Variants in LDAH observed in about 807,000 individuals in gnomAD.
LDAH encodes the protein lipid droplet associated hydrolase.
Under a neutral mutation model 29.6 loss-of-function variants are expected in LDAH, and 26 were observed. The observed-to-expected ratio is 0.88, with a 90% CI of 0.64 to 1.22. The LOEUF is 1.22. LDAH is among the 50% of genes most tolerant of loss of function. LDAH has a pLI of 0.00. For missense variants in LDAH, 344 were observed against 387.3 expected, an observed-to-expected ratio of 0.89 and a Z score of 0.94; for synonymous variants, 117 against 133.0, an observed-to-expected ratio of 0.88 and a Z score of 0.83.
rs764674938 is a variant in LDAH, at chr2:20,687,102, A to C, written c.787-8T>G. The C allele has an allele frequency of 6.3e-7, 1 of 1,599,532 alleles. No homozygotes were observed. Among genetic ancestry groups the C allele is most frequent in the Non-Finnish European group, 8.5e-7 (1 of 1,173,292 alleles). The stretch of plus-strand genomic sequence containing the variant: ...ACCATAATAAAATGTAAGCTGAAAG[A>C]CAAGACAAAAACCTTTTATTAGAAA... On this transcript the variant is annotated splice_polypyrimidine_tract_variant and splice_region_variant and intron_variant, in intron 6 of 6. Transcript: ENST00000237822.
rs564568970 is a variant in LDAH, at chr2:20,740,119, C to G, written c.555G>C (p.Trp185Cys). 4.3e-6 allele frequency: 7 copies of G among 1,613,996 alleles called. No homozygotes were observed. The highest frequency in any genetic ancestry group is 5.9e-6 in the Non-Finnish European group (7 of 1,180,006). The change falls in exon 5 of 7, where the codon TGG (tryptophan) becomes TGC (cysteine). Residue 185 changes from tryptophan (W) to cysteine (C), a missense_variant. Transcript: ENST00000237822. ...NGRIATPLLC[W>C]FRYVLYVTGY... ...CAGTAACATAGAGAACATATCGAAA[C>G]CAGCACAAAAGTGGAGTGGCAATTC...
intron 6 of LDAH, among the ~76,000 whole-genome samples, chr2:20,693,867 C>T (rs960859773): frequency 3.9e-5 from 6 of 152,256 alleles, no homozygotes; most frequent in African/African-American, 1.4e-4. Context: ...GCTTACGCTG[C>T]ATGGCAGGGC....
chr2:20,820,857 AC>A (rs1456102783), intron 1 of LDAH, among the ~76,000 whole-genome samples: 1 of 141,194 alleles, frequency 7.1e-6, no homozygotes, highest in African/African-American at 2.7e-5. Context: ...AATTTTTGCA[AC>A]CTACTCATCT....
chr2:20,780,165 A>T lies in LDAH; in HGVS notation c.299-5186T>A, dbSNP rs372744374. ...TGCATTACAGTGAAGGAGATGGGAG[A>T]TAATTATTCTATTTAACACTGCTAT... On this transcript the variant is annotated intron_variant, in intron 3 of 6. Transcript: ENST00000237822. Among the ~76,000 whole-genome samples the T allele has an allele frequency of 1.4e-3, 208 of 152,340 alleles. 3 individuals are homozygous for T. The South Asian group carries it at 0.038, about 28-fold the overall frequency.
At chr2:20,716,731 T>C (rs1298153447) in intron 5 of LDAH, among the ~76,000 whole-genome samples, 1 of 146,504 alleles carries the variant, frequency 6.8e-6, no homozygotes, top group African/African-American at 2.5e-5. Flanking sequence ...TATATATACA[T>C]ATATATATAT....
At position 20,823,070 on chromosome 2, in the gene LDAH, G is replaced by A. The variant is rs1349272167; in HGVS notation, c.-36C>T. 1 of 152,380 alleles carries A rather than the reference G, an allele frequency of 6.6e-6. No homozygotes were observed. Among genetic ancestry groups the A allele is most frequent in the Non-Finnish European group, 1.5e-5 (1 of 68,204 alleles). The allele number at this position is 152,380 out of a possible 1,614,324, so 9.4% of individuals were successfully genotyped here. A position where few individuals can be genotyped will look rare whatever the true frequency, so the allele number is the denominator to read the frequency against. The stretch of plus-strand genomic sequence containing the variant: ...CTGGAAGGCTGCCCGCTCTCCCTGA[G>A]GGTCCTGGGAAGGCGGCACGAGACC... On this transcript the variant is annotated 5_prime_UTR_variant, in exon 1 of 7. Transcript: ENST00000237822.
intron 2 of LDAH, among the ~76,000 whole-genome samples, chr2:20,791,472 C>T (rs956091721): frequency 1.3e-5 from 2 of 152,206 alleles, no homozygotes; most frequent in Non-Finnish European, 1.5e-5. Flanking sequence ...CTAGCTATAA[C>T]GGTAATATAC....
intron 3 of LDAH, among the ~76,000 whole-genome samples, chr2:20,789,552 A>C (rs951582988): frequency 3.9e-5 from 6 of 152,128 alleles, no homozygotes; most frequent in African/African-American, 1.4e-4. Context: ...TCCTTTGTTT[A>C]CCCCTTAGGT....
chr2:20,777,248 A>T (rs567550603), intron 3 of LDAH, among the ~76,000 whole-genome samples: 122 of 152,318 alleles, frequency 8.0e-4, no homozygotes, highest in African/African-American at 2.9e-3. Context: ...TTTAAAGGAC[A>T]TTATAAATCA....
intron 5 of LDAH, among the ~76,000 whole-genome samples, chr2:20,718,948 T>G (rs1243050786): frequency 6.6e-6 from 1 of 151,978 alleles, no homozygotes; most frequent in African/African-American, 2.4e-5. Context: ...GAGAAATTTT[T>G]TAAAAACTCT....
chr2:20,761,799 T>TA (rs1375958074), intron 4 of LDAH, among the ~76,000 whole-genome samples: 2 of 151,848 alleles, frequency 1.3e-5, no homozygotes, highest in Non-Finnish European at 2.9e-5. Flanking sequence ...ATTAAATTTT[T>TA]AAAAAAGATC....
chr2:20,799,037 G>T (rs1671491106), intron 2 of LDAH, among the ~76,000 whole-genome samples: 1 of 152,064 alleles, frequency 6.6e-6, no homozygotes. Flanking sequence ...CACACGCCTG[G>T]CCAACATGGT....
Position 20,801,392 on chromosome 2 carries a change from C to G in LDAH, c.72G>C (p.Gln24His). 6.2e-7 allele frequency: 1 copy of G among 1,614,086 alleles called. No individual in the cohort carries two copies. The change falls in exon 2 of 7, where the codon CAG (glutamine) becomes CAC (histidine). Residue 24 changes from glutamine (Q) to histidine (H), a missense_variant. Gln to His is a conservative substitution (Grantham distance 24). Coordinates refer to ENST00000237822, the MANE Select transcript of LDAH (RefSeq NM_021925.4). ...EFILCGGAET[Q>H]VLKCGPWTDL... ...CTGTCCAGGGCCCACATTTTAGAAC[C>G]TGGGTTTCGGCTCCACCACACAAAA... is the stretch of plus-strand genomic sequence containing the variant.
intron 4 of LDAH, among the ~76,000 whole-genome samples, chr2:20,764,922 A>G (rs1052822341): frequency 4.6e-5 from 7 of 152,222 alleles, no homozygotes; most frequent in African/African-American, 1.4e-4. Context: ...ACCTTGTTAC[A>G]TGTGAACACG....
intron 1 of LDAH, among the ~76,000 whole-genome samples, chr2:20,808,417 A>C (rs889481366): frequency 6.6e-6 from 1 of 152,102 alleles, no homozygotes; most frequent in East Asian, 1.9e-4. Flanking sequence ...TAATCCCAGC[A>C]CTTTGGGAGG....
At chr2:20,777,402 A>G (rs1461923221) in intron 3 of LDAH, among the ~76,000 whole-genome samples, 2 of 152,196 alleles carry the variant, frequency 1.3e-5, no homozygotes, top group African/African-American at 4.8e-5. Context: ...GAAAATTTAA[A>G]TGTGCTATCT....
chr2:20,790,278 T>C lies in LDAH; in HGVS notation c.275A>G (p.Lys92Arg). The C allele has an allele frequency of 6.2e-7, 1 of 1,614,184 alleles. No individual in the cohort carries two copies. Among genetic ancestry groups the C allele is most frequent in the Non-Finnish European group, 8.5e-7 (1 of 1,180,014 alleles). ...HAGHALAPKD[K>R]KILTTSEDSN... ...ACCCTCTGATGTTGTAAGAATCTTCTTGTCTTTGGGAGCCAACGCATGCCC... is the reference window on the plus strand; with the variant it reads ...ACCCTCTGATGTTGTAAGAATCTTCCTGTCTTTGGGAGCCAACGCATGCCC... The change falls in exon 3 of 7, where the codon AAG becomes AGG. Residue 92 changes from lysine (K) to arginine (R), a missense_variant. Physicochemically the swap from Lys to Arg is conservative, Grantham distance 26. Coordinates refer to ENST00000237822, the MANE Select transcript of LDAH (RefSeq NM_021925.4).
intron 5 of LDAH, among the ~76,000 whole-genome samples, chr2:20,702,115 A>C (rs1484167846): frequency 6.6e-6 from 1 of 152,178 alleles, no homozygotes; most frequent in African/African-American, 2.4e-5. Flanking sequence ...AATACGTTTA[A>C]AGTTCTCCAG....
At chr2:20,693,403 AT>A (rs1312748332) in intron 6 of LDAH, among the ~76,000 whole-genome samples, 1 of 152,234 alleles carries the variant, frequency 6.6e-6, no homozygotes, top group Non-Finnish European at 1.5e-5. Context: ...AGTATTAAAC[AT>A]TTTTTAAAAT....
Sources: allele counts gnomAD v4.1 joint callset (sites outside exome capture counted in the v4.1 genomes callset), GRCh38; gene constraint gnomAD v4.1.1; transcripts MANE v1.5; gene names NCBI Gene and HGNC (gene_info 2026-07-23, HGNC 2026-07-21).